The following SLC35F1 variants were observed in gnomAD, a reference collection of about 807,000 sequenced individuals.
SLC35F1 encodes the protein chromosome 6 open reading frame 169.
SLC35F1 carries 14 observed loss-of-function variants against 48.7 expected under a neutral mutation model. That is an observed-to-expected ratio of 0.29 (90% confidence interval 0.19 to 0.45). The LOEUF (loss-of-function observed/expected upper bound fraction) is 0.45, where lower values mean the gene tolerates loss of function less well. Ranked by LOEUF, SLC35F1 falls within the 20% of genes least tolerant of loss-of-function variation. The probability of loss-of-function intolerance (pLI) is 1.00; values close to 1 mark genes in which losing one functional copy is unlikely to be tolerated. For synonymous variants in SLC35F1, 190 were observed against 202.2 expected (o/e 0.94, Z 0.51); for missense variants, 404 against 500.0 (o/e 0.81, Z 1.83).
chr6:118,134,618 A>G (rs145393362), intron 1 of SLC35F1, among the ~76,000 whole-genome samples: 83 of 152,332 alleles, frequency 5.4e-4, no homozygotes, highest in Admixed American at 8.5e-4. Context: ...AGGTGACTGT[A>G]TGTGGTCAGC....
chr6:118,271,281 C>T (rs151177446), intron 4 of SLC35F1, among the ~76,000 whole-genome samples: 1 of 152,158 alleles, frequency 6.6e-6, no homozygotes, highest in African/African-American at 2.4e-5. Flanking sequence ...CACCAAATTA[C>T]GTGGCCCAGA....
At chr6:118,209,761 A>AT (rs1454518314) in intron 2 of SLC35F1, among the ~76,000 whole-genome samples, 1 of 152,150 alleles carries the variant, frequency 6.6e-6, no homozygotes, top group Admixed American at 6.5e-5. Flanking sequence ...GAGTACTAAA[A>AT]TTATCTTAAA....
chr6:117,956,894 C>G (rs889467200), intron 1 of SLC35F1, among the ~76,000 whole-genome samples: 1 of 152,124 alleles, frequency 6.6e-6, no homozygotes, highest in Non-Finnish European at 1.5e-5. Context: ...CAAAGTCAGG[C>G]ATTTGTCATA....
chr6:118,031,102 T>G (rs1024775017), intron 1 of SLC35F1, among the ~76,000 whole-genome samples: 1 of 152,170 alleles, frequency 6.6e-6, no homozygotes, highest in African/African-American at 2.4e-5. Flanking sequence ...TTTGTTAAAA[T>G]CAATGTGAAA....
At chr6:117,999,061 C>T (rs567570761) in intron 1 of SLC35F1, 75 of 1,501,820 alleles carry the variant, frequency 5.0e-5, no homozygotes, top group South Asian at 2.4e-4. Context: ...CACAAAGATA[C>T]GAATCTCTTA....
intron 7 of SLC35F1, among the ~76,000 whole-genome samples, chr6:118,303,024 A>G (rs1188980557): frequency 2.7e-5 from 4 of 150,174 alleles, no homozygotes; most frequent in African/African-American, 9.7e-5. Flanking sequence ...TTCTTTTTTG[A>G]CAGCTGCCAT....
intron 1 of SLC35F1, among the ~76,000 whole-genome samples, chr6:118,152,820 G>T (rs1355295324): frequency 6.6e-6 from 1 of 152,172 alleles, no homozygotes; most frequent in African/African-American, 2.4e-5. Context: ...ATGTCAGCAG[G>T]CATCTTTGCA....
chr6:118,170,763 T>G (rs1418788185), intron 2 of SLC35F1, among the ~76,000 whole-genome samples: 2 of 152,044 alleles, frequency 1.3e-5, no homozygotes, highest in African/African-American at 4.8e-5. Context: ...TTTACTTTAA[T>G]CTTTTAAATT....
chr6:118,002,972 A>G (rs972957188), intron 1 of SLC35F1, among the ~76,000 whole-genome samples: 3 of 152,330 alleles, frequency 2.0e-5, no homozygotes, highest in African/African-American at 7.2e-5. Context: ...CCCTGTGGCT[A>G]TGAAGTCAGT....
At chr6:118,149,038 A>G (rs763143695) in intron 1 of SLC35F1, among the ~76,000 whole-genome samples, 1 of 152,218 alleles carries the variant, frequency 6.6e-6, no homozygotes, top group Non-Finnish European at 1.5e-5. Flanking sequence ...TTTATTGAGC[A>G]TCTGTTTTCT....
intron 7 of SLC35F1, among the ~76,000 whole-genome samples, chr6:118,296,042 A>G (rs1156490168): frequency 6.6e-6 from 1 of 152,216 alleles, no homozygotes; most frequent in Non-Finnish European, 1.5e-5. Context: ...GCAGCCATTC[A>G]GGAACCCAGG....
chr6:118,191,037 C>G (rs2114522586), intron 2 of SLC35F1, among the ~76,000 whole-genome samples: 1 of 152,244 alleles, frequency 6.6e-6, no homozygotes, highest in Admixed American at 6.5e-5. Flanking sequence ...GAATACACTT[C>G]TAGTCATTGC....
chr6:118,302,980 G>GAAAA (rs5879459), intron 7 of SLC35F1, among the ~76,000 whole-genome samples: 43 of 145,450 alleles, frequency 3.0e-4, no homozygotes, highest in African/African-American at 1.1e-3. Context: ...AGCTTATTTA[G>GAAAA]AAAAAAAAAA....
chr6:118,091,760 T>C (rs899904281), intron 1 of SLC35F1, among the ~76,000 whole-genome samples: 7 of 152,124 alleles, frequency 4.6e-5, no homozygotes, highest in African/African-American at 1.7e-4. Context: ...TGTGGGAAAG[T>C]TTGGAACTTC....
chr6:118,077,528 C>T (rs1345677511), intron 1 of SLC35F1, among the ~76,000 whole-genome samples: 1 of 152,190 alleles, frequency 6.6e-6, no homozygotes, highest in Admixed American at 6.5e-5. Flanking sequence ...TTTAAAGACA[C>T]ATTTTTGTCT....
chr6:118,224,981 C>G (rs569227947), intron 2 of SLC35F1, among the ~76,000 whole-genome samples: 3 of 152,158 alleles, frequency 2.0e-5, no homozygotes, highest in Admixed American at 2.0e-4. Flanking sequence ...CCTGAAAGAG[C>G]TATACAAGGA....
chr6:118,207,965 T>A (rs912995241), intron 2 of SLC35F1, among the ~76,000 whole-genome samples: 1 of 152,232 alleles, frequency 6.6e-6, no homozygotes, highest in East Asian at 1.9e-4. Context: ...ATTTCTGTTC[T>A]GAGTAGAAAG....
At chr6:118,255,312 G>C (rs1775628083) in intron 3 of SLC35F1, among the ~76,000 whole-genome samples, 1 of 152,132 alleles carries the variant, frequency 6.6e-6, no homozygotes, top group Non-Finnish European at 1.5e-5. Flanking sequence ...AGGGAGCCTG[G>C]CATATAGTAG....
intron 7 of SLC35F1, among the ~76,000 whole-genome samples, chr6:118,308,095 T>C (rs1254780304): frequency 1.3e-5 from 2 of 152,234 alleles, no homozygotes. Context: ...ATAGCAGCAT[T>C]ACATTGAATG....
Sources: gnomAD v4.1 joint callset for allele counts (sites outside exome capture counted in the v4.1 genomes callset) on GRCh38, gnomAD v4.1.1 for gene constraint, MANE v1.5 for transcripts, NCBI Gene and HGNC (gene_info 2026-07-23, HGNC 2026-07-21) for gene names.